Variants in TRIP4 observed in about 807,000 individuals in gnomAD.
TRIP4 encodes activating signal cointegrator 1.
A neutral mutation model predicts 81.8 loss-of-function variants in TRIP4; 54 were observed. The ratio of observed to expected loss-of-function variants is 0.66; its 90% confidence interval spans 0.53 to 0.83. The LOEUF is 0.83. Ranked by LOEUF, TRIP4 falls within the 40% of genes least tolerant of loss-of-function variation. TRIP4 has a pLI of 0.00. For missense variants in TRIP4, 662 were observed against 683.6 expected (o/e 0.97, Z 0.35); for synonymous variants, 270 against 242.8 (o/e 1.11, Z -1.04).
Position 64,409,719 on chromosome 15 carries a change from G to T in TRIP4, c.934G>T (p.Glu312Ter), listed in dbSNP as rs891995513. The change falls in exon 7 of 13, where the codon GAG becomes TAG. Residue 312 changes from glutamate to a stop codon, truncating the protein, a stop_gained. Transcript: ENST00000261884. LOFTEE classifies it high-confidence loss of function. ...ERETLQKREE[E>*]LRELRHASRL... is the part of the protein sequence containing the mutation. The stretch of plus-strand genomic sequence containing the variant: ...GGAAACCTTGCAGAAGCGAGAGGAG[G>T]AGCTGAGAGAACTTCGACACGCCTC... 2 of 1,614,144 alleles carry T rather than the reference G, an allele frequency of 1.2e-6. No homozygotes were observed.
chr15:64,407,363 G>A (rs1466006216), intron 6 of TRIP4, among the ~76,000 whole-genome samples: 2 of 151,966 alleles, frequency 1.3e-5, no homozygotes, highest in Non-Finnish European at 2.9e-5. Flanking sequence ...TCAGTAGAAC[G>A]TATTATTAGA....
At chr15:64,405,158 C>CTTT (rs1376294499) in intron 5 of TRIP4, among the ~76,000 whole-genome samples, 1 of 142,560 alleles carries the variant, frequency 7.0e-6, no homozygotes, top group Non-Finnish European at 1.5e-5. Flanking sequence ...TTTTTCTTTT[C>CTTT]TTTTTTTTTT....
chr15:64,453,145 T>G (rs1342603984), intron 12 of TRIP4, among the ~76,000 whole-genome samples: 2 of 152,180 alleles, frequency 1.3e-5, no homozygotes, highest in Non-Finnish European at 2.9e-5. Context: ...ATTATGCCAT[T>G]GCACTCCAGC....
Position 64,397,689 on chromosome 15 carries a change from C to T in TRIP4, c.489C>T (p.Val163=), listed in dbSNP as rs1566972387. The part of the protein sequence containing the change: ...YTREGQDRLA[V]LLPGRHPCDC... ...GAGAGGGACAGGACAGGCTTGCAGT[C>T]CTGCTCCCTGGTCGTCACCCTTGTG... The change falls in exon 4 of 13, where the codon GTC becomes GTT. Residue 163 remains valine (V), a synonymous_variant. Coordinates refer to ENST00000261884, the MANE Select transcript of TRIP4 (RefSeq NM_016213.5). The T allele has an allele frequency of 6.2e-7, 1 of 1,614,212 alleles. No homozygotes were observed. Among genetic ancestry groups the T allele is most frequent in the Non-Finnish European group, 8.5e-7 (1 of 1,180,022 alleles).
chr15:64,427,715 T>G (rs1264022788), intron 11 of TRIP4, among the ~76,000 whole-genome samples: 1 of 152,124 alleles, frequency 6.6e-6, no homozygotes. Context: ...TCCCTCTAGA[T>G]TTATGTCTTT....
Position 64,388,110 on chromosome 15 carries a change from C to T in TRIP4, c.101+146C>T, listed in dbSNP as rs1402103322. On this transcript the variant is annotated intron_variant, in intron 1 of 12. Coordinates refer to ENST00000261884, the MANE Select transcript of TRIP4 (RefSeq NM_016213.5). ...TAGTCTGTAGGCGTCGAATTTTGGC[C>T]TCCACCTTTGTAGTTTAGTTTCTGG... 2.6e-5 allele frequency: 34 copies of T among 1,311,532 alleles called. No homozygotes were observed. In the East Asian group the frequency reaches 9.5e-4, roughly 37 times the overall value. The allele number at this position is 1,311,532 out of a possible 1,614,324, so 81.2% of individuals were successfully genotyped here.
In TRIP4 at chr15:64,455,038, T is replaced by A. The variant is rs761696202; in HGVS notation, c.1720T>A (p.Leu574Ile). 61 of 1,613,816 alleles carry A rather than the reference T, an allele frequency of 3.8e-5. No individual in the cohort carries two copies. Among genetic ancestry groups the A allele is most frequent in the Admixed American group, 3.3e-4 (20 of 59,996 alleles). Reference protein sequence around the residue: ...SKIHQGAKKGLMKQNKAV With the variant: ...SKIHQGAKKGIMKQNKAV ...GATCCATCAAGGAGCAAAGAAGGGG[T>A]TAATGAAGCAGAATAAAGCTGTCTG... The change falls in exon 13 of 13, where the codon TTA (leucine) becomes ATA (isoleucine). Residue 574 changes from leucine to isoleucine, a missense_variant. Coordinates refer to ENST00000261884, the MANE Select transcript of TRIP4 (RefSeq NM_016213.5).
At chr15:64,440,891 C>G (rs1210446924) in intron 11 of TRIP4, among the ~76,000 whole-genome samples, 4 of 152,124 alleles carry the variant, frequency 2.6e-5, no homozygotes, top group Admixed American at 2.6e-4. Context: ...AGAGTAATAT[C>G]TACTTTTACT....
At chr15:64,413,285 A>T (rs1417459191) in intron 7 of TRIP4, among the ~76,000 whole-genome samples, 1 of 151,332 alleles carries the variant, frequency 6.6e-6, no homozygotes, top group South Asian at 2.1e-4. Context: ...GGCTCAAGTG[A>T]TCCTCCCATC....
chr15:64,393,804 T>C (rs762493972), intron 1 of TRIP4, 142 bp from the exon 2 acceptor site: 2 of 669,428 alleles, frequency 3.0e-6, no homozygotes, highest in African/African-American at 1.9e-5. Context: ...ATCGTATTTC[T>C]AGCACCTAGC....
chr15:64,441,180 T>C (rs1441682681), intron 11 of TRIP4, among the ~76,000 whole-genome samples: 2 of 151,950 alleles, frequency 1.3e-5, no homozygotes, highest in Non-Finnish European at 2.9e-5. Context: ...GTATTTTTAG[T>C]AGAGACGGGG....
chr15:64,435,292 C>A (rs569336930), intron 11 of TRIP4, among the ~76,000 whole-genome samples: 2 of 146,616 alleles, frequency 1.4e-5, no homozygotes, highest in African/African-American at 5.0e-5. Context: ...GAGGCCATGG[C>A]GGGCAGATCA....
At chr15:64,394,797 A>G (rs145575145) in intron 2 of TRIP4, among the ~76,000 whole-genome samples, 5 of 152,278 alleles carry the variant, frequency 3.3e-5, no homozygotes, top group African/African-American at 4.8e-5. Flanking sequence ...AGTACAAAAG[A>G]TAAGCACCAA....
At chr15:64,434,401 A>AG (rs1892343416) in intron 11 of TRIP4, among the ~76,000 whole-genome samples, 3 of 70,586 alleles carry the variant, frequency 4.3e-5, no homozygotes, top group South Asian at 3.8e-4. Flanking sequence ...CTCCGTCTCA[A>AG]GAAAAAAAAA....
At chr15:64,422,458 C>A (rs550066000) in intron 9 of TRIP4, among the ~76,000 whole-genome samples, 19 of 152,296 alleles carry the variant, frequency 1.2e-4, no homozygotes, top group African/African-American at 4.6e-4. Flanking sequence ...CACCTTTTCT[C>A]CCCTCTTGAA....
In TRIP4 at chr15:64,387,891, G is replaced by T. The variant is rs757317724; in HGVS notation, c.28G>T (p.Glu10Ter). Residue 10 changes from glutamate to a stop codon, truncating the protein, a stop_gained, in exon 1 of 13, where the codon GAG becomes TAG. Transcript: ENST00000261884. LOFTEE classifies it high-confidence loss of function. ...GGCGGTGGCTGGGGCGGTGTCCGGGGAGCCGCTGGTGCACTGGTGCACCCA... is the reference window on the plus strand; with the variant it reads ...GGCGGTGGCTGGGGCGGTGTCCGGGTAGCCGCTGGTGCACTGGTGCACCCA... MAVAGAVSG[E>*]PLVHWCTQQL... The T allele has an allele frequency of 6.5e-7, 1 of 1,549,218 alleles. No homozygotes were observed. The highest frequency in any genetic ancestry group is 1.2e-5 in the South Asian group (1 of 83,966).
At chr15:64,399,379 T>A (rs1891432536) in intron 4 of TRIP4, among the ~76,000 whole-genome samples, 1 of 152,182 alleles carries the variant, frequency 6.6e-6, no homozygotes, top group Non-Finnish European at 1.5e-5. Flanking sequence ...AGCTTTCTCT[T>A]TAGAGCAAGC....
chr15:64,406,644 C>T (rs1891629439), intron 6 of TRIP4, among the ~76,000 whole-genome samples, 185 bp downstream of exon 6: 2 of 152,136 alleles, frequency 1.3e-5, no homozygotes, highest in East Asian at 1.9e-4. Context: ...AATATAGGCT[C>T]CTATGAAAAG....
chr15:64,394,298 T>C (rs977071627), intron 2 of TRIP4, among the ~76,000 whole-genome samples, 183 bp downstream of exon 2: 1 of 152,100 alleles, frequency 6.6e-6, no homozygotes, highest in African/African-American at 2.4e-5. Context: ...TCTAGTTCTT[T>C]TTCAACTTAG....
Sources: gnomAD v4.1 joint callset for allele counts (sites outside exome capture counted in the v4.1 genomes callset) on GRCh38, gnomAD v4.1.1 for gene constraint, MANE v1.5 for transcripts, NCBI Gene and HGNC (gene_info 2026-07-23, HGNC 2026-07-21) for gene names.